The following PDS5B variants were observed in gnomAD, a reference collection of about 807,000 sequenced individuals.
The protein encoded by PDS5B is PDS5 cohesin associated factor B.
Under a neutral mutation model 184.1 loss-of-function variants are expected in PDS5B, and 51 were observed. The ratio of observed to expected loss-of-function variants is 0.28; its 90% CI spans 0.22 to 0.35. The LOEUF is 0.35. Ranked by LOEUF, PDS5B falls within the 10% of genes least tolerant of loss-of-function variation. The pLI, the probability that PDS5B is intolerant of heterozygous loss-of-function variation, is 1.00. For synonymous variants in PDS5B, 566 were observed against 569.2 expected (o/e 0.99, Z 0.08); for missense variants, 1,180 against 1,723.3 (o/e 0.68, Z 5.58).
At chr13:32,702,710 T>C (rs1268002790) in intron 17 of PDS5B, among the ~76,000 whole-genome samples, 2 of 152,156 alleles carry the variant, frequency 1.3e-5, no homozygotes, top group East Asian at 3.8e-4. Context: ...ATTTAGAAAA[T>C]GATTGCCATC....
intron 1 of PDS5B, among the ~76,000 whole-genome samples, chr13:32,620,500 A>G (rs1412531812): frequency 6.6e-6 from 1 of 152,084 alleles, no homozygotes; most frequent in Non-Finnish European, 1.5e-5. Flanking sequence ...TAAAAATACA[A>G]AAGATTAGCT....
intron 17 of PDS5B, among the ~76,000 whole-genome samples, chr13:32,704,678 A>T (rs1051153064): frequency 1.3e-5 from 2 of 152,116 alleles, no homozygotes; most frequent in African/African-American, 4.8e-5. Context: ...TAGTCTTCTG[A>T]GGTTGTGATA....
Position 32,770,664 on chromosome 13 carries a change from C to T in PDS5B, c.4075C>T (p.Pro1359Ser). Residue 1359 changes from proline (P) to serine (S), a missense_variant, in exon 33 of 35, where the codon CCT becomes TCT. This residue lies in a region of PDS5B where 465 missense variants were observed against 497.8 expected (regional missense o/e 0.93). Coordinates refer to ENST00000315596, the MANE Select transcript of PDS5B (RefSeq NM_015032.4). The part of the protein sequence containing the change: ...SRRAQQRAES[P>S]ESSAIESTQS... ...TCTTCCCCAAAGCAGAGCAGAATCT[C>T]CTGAATCTAGTGCAATTGAATCCAC... is the stretch of plus-strand genomic sequence containing the variant. 1 of 1,610,764 alleles carries T rather than the reference C, an allele frequency of 6.2e-7. No homozygotes were observed. Among genetic ancestry groups the T allele is most frequent in the South Asian group, 1.1e-5 (1 of 90,180 alleles).
At chr13:32,751,262 C>T (rs1953972195) in intron 24 of PDS5B, among the ~76,000 whole-genome samples, 1 of 152,152 alleles carries the variant, frequency 6.6e-6, no homozygotes, top group African/African-American at 2.4e-5. Flanking sequence ...TGTTGATGGA[C>T]ATTTAGATTG....
intron 17 of PDS5B, among the ~76,000 whole-genome samples, chr13:32,706,509 A>G (rs1247701814): frequency 6.6e-6 from 1 of 152,136 alleles, no homozygotes; most frequent in Non-Finnish European, 1.5e-5. Context: ...CGTGACACAC[A>G]GTAATATTTG....
chr13:32,627,470 G>T (rs1566259098), intron 1 of PDS5B, among the ~76,000 whole-genome samples: 1 of 151,544 alleles, frequency 6.6e-6, no homozygotes, highest in African/African-American at 2.4e-5. Flanking sequence ...CATTTCCTGG[G>T]TTTTTTTTAC....
chr13:32,694,167 C>T, intron 13 of PDS5B, 56 bp from the exon 14 acceptor site: 1 of 1,207,054 alleles, frequency 8.3e-7, no homozygotes. Context: ...TAGTAATATT[C>T]TAGAAAGATT....
At chr13:32,609,294 T>G (rs546062095) in intron 1 of PDS5B, among the ~76,000 whole-genome samples, 1 of 152,326 alleles carries the variant, frequency 6.6e-6, no homozygotes, top group Non-Finnish European at 1.5e-5. Context: ...TAGCTACTAT[T>G]AGATTGTTGT....
rs757359691 is a variant in PDS5B at position 32,694,191 on chromosome 13, G to A, written c.1470-32G>A. 21 of 1,397,522 alleles carry A rather than the reference G, an allele frequency of 1.5e-5. No individual in the cohort carries two copies. In the African/African-American group the frequency reaches 1.9e-4, roughly 12 times the overall value. 86.6% of individuals were successfully genotyped at this position (1,397,522 alleles called of 1,614,324 possible). A position where few individuals can be genotyped will look rare whatever the true frequency, so the allele number is the denominator to read the frequency against. ...TCTAGAAAGATTTTTATTCTGTTTTGTTATTTAAATGTGTATGTTTGTGTT... is the reference window on the plus strand; with the variant it reads ...TCTAGAAAGATTTTTATTCTGTTTTATTATTTAAATGTGTATGTTTGTGTT... On this transcript the variant is annotated intron_variant, in intron 13 of 34. Transcript: ENST00000315596.
chr13:32,668,016 A>G (rs933987181), intron 7 of PDS5B, among the ~76,000 whole-genome samples, 172 bp downstream of exon 7: 1 of 152,120 alleles, frequency 6.6e-6, no homozygotes, highest in African/African-American at 2.4e-5. Flanking sequence ...CTTGCTTTAT[A>G]TTTTTTGGAA....
At chr13:32,738,443 TTA>T (rs1192590977) in intron 21 of PDS5B, among the ~76,000 whole-genome samples, 1 of 152,202 alleles carries the variant, frequency 6.6e-6, no homozygotes, top group African/African-American at 2.4e-5. Flanking sequence ...TGGTTACTAA[TTA>T]AGTTTGTGTG....
chr13:32,701,242 AATT>A (rs1425124496), intron 16 of PDS5B, 78 bp from the exon 17 acceptor site: 5 of 735,564 alleles, frequency 6.8e-6, no homozygotes, highest in African/African-American at 5.4e-5. Flanking sequence ...ACATGGTTTT[AATT>A]ATTGTTGGTT....
intron 1 of PDS5B, among the ~76,000 whole-genome samples, chr13:32,642,353 C>T (rs927734000): frequency 1.3e-4 from 20 of 152,072 alleles, no homozygotes; most frequent in African/African-American, 4.8e-4. Context: ...TCTTAAGGAG[C>T]TTACAGTCTA....
At chr13:32,757,040 G>A (rs1199728913) in intron 26 of PDS5B, among the ~76,000 whole-genome samples, 1 of 151,884 alleles carries the variant, frequency 6.6e-6, no homozygotes, top group Non-Finnish European at 1.5e-5. Flanking sequence ...CAGGAGAATT[G>A]CTTGAACCTG....
intron 9 of PDS5B, among the ~76,000 whole-genome samples, chr13:32,676,201 A>G (rs1048255961): frequency 1.3e-5 from 2 of 152,232 alleles, no homozygotes; most frequent in African/African-American, 4.8e-5. Context: ...TATTATGACC[A>G]TGAAGTTAAT....
intron 1 of PDS5B, among the ~76,000 whole-genome samples, chr13:32,589,786 T>G (rs916769979): frequency 1.5e-5 from 2 of 130,570 alleles, no homozygotes; most frequent in Non-Finnish European, 3.3e-5. Flanking sequence ...TCTCTGAGAG[T>G]GTATTTACTT....
chr13:32,764,595 G>A lies in PDS5B; in HGVS notation c.3624+1G>A, dbSNP rs778398570. On this transcript the variant is annotated splice_donor_variant, in intron 31 of 34. Transcript: ENST00000315596. LOFTEE classifies it high-confidence loss of function. ...GAGAGACGACTCTGATCTTGTAAGG[G>A]TGAGATATTTGCATTGATTTTATAA... 1 of 1,526,132 alleles carries A rather than the reference G, an allele frequency of 6.6e-7. No homozygotes were observed. Among genetic ancestry groups the A allele is most frequent in the Non-Finnish European group, 9.0e-7 (1 of 1,112,918 alleles). 94.5% of individuals were successfully genotyped at this position (1,526,132 alleles called of 1,614,324 possible).
chr13:32,695,748 G>A (rs79059871), intron 14 of PDS5B, among the ~76,000 whole-genome samples: 22 of 152,056 alleles, frequency 1.4e-4, no homozygotes, highest in African/African-American at 4.6e-4. Flanking sequence ...TTTAGTTGGA[G>A]CTTCTTCATT....
chr13:32,759,586 GTT>G, intron 28 of PDS5B, 40 bp from the exon 29 acceptor site: 1 of 1,063,630 alleles, frequency 9.4e-7, no homozygotes, highest in Non-Finnish European at 1.4e-6. Flanking sequence ...TGTAGATAGT[GTT>G]TTAATATTCA....
Sources: allele counts gnomAD v4.1 joint callset (sites outside exome capture counted in the v4.1 genomes callset), GRCh38; gene constraint gnomAD v4.1.1; regional missense constraint gnomAD v4.1.1; transcripts MANE v1.5; gene names NCBI Gene and HGNC (gene_info 2026-07-23, HGNC 2026-07-21).